The following GTF3C2 variants were observed in gnomAD, a reference collection of about 807,000 sequenced individuals.
GTF3C2 encodes the protein general transcription factor 3C polypeptide 2.
In GTF3C2, 17 loss-of-function variants were observed where a neutral mutation model predicts 117.4. That is an observed-to-expected ratio of 0.14 (90% CI 0.10 to 0.22). The LOEUF is 0.22. Ranked by LOEUF, GTF3C2 falls within the 10% of genes least tolerant of loss-of-function variation. GTF3C2 has a pLI of 1.00. For missense variants in GTF3C2, 888 were observed against 1,143.6 expected (o/e 0.78, Z 3.22); for synonymous variants, 437 against 427.0 (o/e 1.02, Z -0.29).
exon 17 of GTF3C2, chr2:27,328,163 C>T (rs375864086): frequency 3.2e-5 from 51 of 1,592,688 alleles, no homozygotes; most frequent in Admixed American, 9.4e-5. Flanking sequence ...TGTCCTGATA[C>T]GGTATCAGAT....
intron 17 of GTF3C2, among the ~76,000 whole-genome samples, chr2:27,327,824 C>T (rs575251700): frequency 1.5e-4 from 23 of 152,168 alleles, no homozygotes; most frequent in African/African-American, 5.3e-4. Context: ...GACGGAGTTT[C>T]GCCATGTTGG....
chr2:27,333,492 A>G (rs991764531), intron 12 of GTF3C2, 163 bp downstream of exon 12: 4 of 589,848 alleles, frequency 6.8e-6, no homozygotes, highest in Non-Finnish European at 1.2e-5. Context: ...CTGAGTAGAA[A>G]TAGTCTAGTG....
intron 1 of GTF3C2, among the ~76,000 whole-genome samples, chr2:27,349,339 G>C (rs1306282692): frequency 1.3e-5 from 2 of 150,894 alleles, no homozygotes; most frequent in African/African-American, 2.4e-5. Context: ...AGTAGAGACG[G>C]GGTTTCACCG....
intron 12 of GTF3C2, among the ~76,000 whole-genome samples, chr2:27,332,590 A>AT (rs1490339042): frequency 2.7e-5 from 4 of 149,888 alleles, no homozygotes; most frequent in African/African-American, 9.8e-5. Context: ...AATTTTTTGT[A>AT]TTTTTAGTAG....
intron 4 of GTF3C2, chr2:27,340,356 G>C (rs1359812083): frequency 6.6e-6 from 1 of 151,726 alleles, no homozygotes; most frequent in Non-Finnish European, 1.5e-5. Context: ...TCAGCCTCCC[G>C]AGTAGCTGGG....
Position 27,342,722 on chromosome 2 carries a change from C to T in GTF3C2, c.569+104G>A, listed in dbSNP as rs1680777768. 9 of 826,460 alleles carry T rather than the reference C, an allele frequency of 1.1e-5. No homozygotes were observed. The Admixed American group carries it at 2.0e-4, about 19-fold the overall frequency. 51.2% of individuals were successfully genotyped at this position (826,460 alleles called of 1,614,324 possible). A position where few individuals can be genotyped will look rare whatever the true frequency, so the allele number is the denominator to read the frequency against. The stretch of plus-strand genomic sequence containing the variant: ...CAAGTCCCTAGAATCCAGACACCAC[C>T]CCTGCTTACCTAATACCTCATCAGT... On this transcript the variant is annotated intron_variant, in intron 3 of 18. Transcript: ENST00000264720.
chr2:27,349,029 G>A (rs1028664141), intron 1 of GTF3C2, among the ~76,000 whole-genome samples: 19 of 151,758 alleles, frequency 1.3e-4, no homozygotes, highest in African/African-American at 4.3e-4. Context: ...TAGAGATGGG[G>A]TTTCACCATG....
chr2:27,337,717 G>A (rs562878009), intron 5 of GTF3C2, 159 bp from the exon 6 acceptor site: 10 of 693,040 alleles, frequency 1.4e-5, no homozygotes, highest in Admixed American at 4.6e-5. Context: ...TGTGGCTAGC[G>A]CAGCTGAGAA....
chr2:27,343,259 T>C (rs1216515275), intron 2 of GTF3C2, 49 bp downstream of exon 2: 2 of 1,586,264 alleles, frequency 1.3e-6, no homozygotes, highest in Non-Finnish European at 8.6e-7. Flanking sequence ...TGCTCTTTCA[T>C]CTTAAGCTTG....
chr2:27,342,927 C>T, exon 3 of GTF3C2: 1 of 1,614,170 alleles, frequency 6.2e-7, no homozygotes, highest in Non-Finnish European at 8.5e-7. Flanking sequence ...GGTCTTTTGA[C>T]AACTTCAGCA....
In GTF3C2 at chr2:27,328,832, A is replaced by G; in HGVS notation, c.2127+12T>C. The G allele has an allele frequency of 1.9e-6, 3 of 1,597,694 alleles. No homozygotes were observed. The highest frequency in any genetic ancestry group is 1.1e-5 in the South Asian group (1 of 90,608). On this transcript the variant is annotated intron_variant, in intron 15 of 18. Coordinates refer to ENST00000264720, the Ensembl canonical transcript of GTF3C2. Reference sequence around the variant, plus strand: ...CTTTGTAATGAAGACTGCAAAAGAAAGGGGGGCTCACCCAAACGGTGCCTT... The same window carrying G: ...CTTTGTAATGAAGACTGCAAAAGAAGGGGGGGCTCACCCAAACGGTGCCTT...
chr2:27,326,947 T>C, intron 18 of GTF3C2, 54 bp from the exon 19 acceptor site: 1 of 1,191,580 alleles, frequency 8.4e-7, no homozygotes, highest in Non-Finnish European at 1.2e-6. Flanking sequence ...TGCTTTAGGG[T>C]GACTCCTAGC....
At chr2:27,337,659 C>A in intron 5 of GTF3C2, 101 bp from the exon 6 acceptor site, 1 of 843,946 alleles carries the variant, frequency 1.2e-6, no homozygotes, top group South Asian at 1.4e-5. Context: ...TATCTGTGCT[C>A]CCCAATATGC....
chr2:27,344,181 G>A (rs1457720578), intron 1 of GTF3C2, among the ~76,000 whole-genome samples: 5 of 151,964 alleles, frequency 3.3e-5, no homozygotes, highest in African/African-American at 7.2e-5. Context: ...GCACCACCAC[G>A]CCCAGCTAAT....
intron 1 of GTF3C2, among the ~76,000 whole-genome samples, chr2:27,353,463 G>A (rs902901904): frequency 6.6e-6 from 1 of 151,584 alleles, no homozygotes; most frequent in Non-Finnish European, 1.5e-5. Context: ...TTTTGAGACA[G>A]AGTCACGCTC....
exon 8 of GTF3C2, chr2:27,336,244 C>T: frequency 2.5e-6 from 4 of 1,614,128 alleles, no homozygotes; most frequent in Non-Finnish European, 3.4e-6. Flanking sequence ...TGGAGCAGCC[C>T]AGGACCCGAA....
intron 12 of GTF3C2, among the ~76,000 whole-genome samples, chr2:27,332,424 T>C (rs1479469770): frequency 2.0e-5 from 3 of 151,532 alleles, no homozygotes; most frequent in African/African-American, 7.3e-5. Context: ...TATTTTTAGT[T>C]TTTTTTTTGA....
intron 1 of GTF3C2, among the ~76,000 whole-genome samples, chr2:27,348,978 A>C (rs1057203830): frequency 1.3e-5 from 2 of 151,740 alleles, no homozygotes; most frequent in South Asian, 4.2e-4. Flanking sequence ...CTAGGATTAC[A>C]GGCGGCCGCC....
At chr2:27,342,206 A>T in exon 4 of GTF3C2, 7 of 1,613,076 alleles carry the variant, frequency 4.3e-6, no homozygotes, top group Non-Finnish European at 5.9e-6. Context: ...AGAGCTCTTC[A>T]GCCAGTTCCT....
Sources: allele counts gnomAD v4.1 joint callset (sites outside exome capture counted in the v4.1 genomes callset), GRCh38; gene constraint gnomAD v4.1.1; transcripts MANE v1.5; gene names NCBI Gene and HGNC (gene_info 2026-07-23, HGNC 2026-07-21).